TXNDC5: variants seen among roughly 807,000 people sequenced by gnomAD.
The protein encoded by TXNDC5 is thioredoxin domain-containing protein 5.
Under a neutral mutation model 52.6 loss-of-function variants are expected in TXNDC5, and 44 were observed. The observed-to-expected ratio is 0.84, with a 90% CI of 0.66 to 1.08. The LOEUF (loss-of-function observed/expected upper bound fraction) is 1.08, where lower values mean the gene tolerates loss of function less well. Ranked by LOEUF, TXNDC5 falls within the 50% of genes least tolerant of loss-of-function variation. The pLI is 0.00. For synonymous variants in TXNDC5, 241 were observed against 234.4 expected (o/e 1.03, Z -0.26); for missense variants, 600 against 565.5 (o/e 1.06, Z -0.62).
At chr6:7,905,907 T>C (rs1014520574) in intron 1 of TXNDC5, among the ~76,000 whole-genome samples, 3 of 152,224 alleles carry the variant, frequency 2.0e-5, no homozygotes, top group Non-Finnish European at 4.4e-5. Flanking sequence ...TTTAATAATC[T>C]GTTAAATCTC....
chr6:7,896,435 T>C (rs1400153901), intron 3 of TXNDC5, among the ~76,000 whole-genome samples: 1 of 152,182 alleles, frequency 6.6e-6, no homozygotes, highest in Non-Finnish European at 1.5e-5. Context: ...GAATCAGTGT[T>C]CTGCTGCAGA....
At chr6:7,890,325 C>G (rs9505303) in intron 5 of TXNDC5, among the ~76,000 whole-genome samples, 1 of 152,220 alleles carries the variant, frequency 6.6e-6, no homozygotes, top group Middle Eastern at 3.4e-3. Flanking sequence ...TATTTCAACA[C>G]CTAAGACCCG....
intron 9 of TXNDC5, among the ~76,000 whole-genome samples, chr6:7,884,105 G>A (rs901944638): frequency 1.3e-5 from 2 of 152,174 alleles, no homozygotes; most frequent in African/African-American, 2.4e-5. Context: ...GTTACTTCAC[G>A]GCCTTGTTAC....
chr6:7,888,687 A>AC lies in TXNDC5; in HGVS notation c.963+17dup. The AC allele has an allele frequency of 6.3e-7, 1 of 1,599,666 alleles. No individual in the cohort carries two copies. On this transcript the variant is annotated intron_variant, in intron 7 of 9. Coordinates refer to ENST00000379757, the MANE Select transcript of TXNDC5 (RefSeq NM_030810.5). ...CCACGGGCCACTTATGGGGATCCCG[A>AC]CTCCAGCAGGCACCCACCTTGTCAG... is the stretch of plus-strand genomic sequence containing the variant.
intron 9 of TXNDC5, among the ~76,000 whole-genome samples, chr6:7,883,548 C>T (rs1019225435): frequency 6.6e-5 from 10 of 152,196 alleles, no homozygotes; most frequent in African/African-American, 1.2e-4. Flanking sequence ...ACTGTGCACA[C>T]GATCACCTGC....
rs563639320 is a variant in TXNDC5, at chr6:7,889,483, G to C, written c.819+12C>G. On this transcript the variant is annotated intron_variant, in intron 6 of 9. Transcript: ENST00000379757. ...GATGAAGAATTCTCAGTACTAAGAA[G>C]TGCAGACGTACCTTTTTCCCATCTC... 36 of 1,612,312 alleles carry C rather than the reference G, an allele frequency of 2.2e-5. No individual in the cohort carries two copies. The highest frequency in any genetic ancestry group is 1.6e-4 in the Middle Eastern group (1 of 6,080).
rs1358210257 is a variant in TXNDC5, at chr6:7,882,487, C to G, written c.*657G>C. 6.6e-6 allele frequency: 1 copy of G among 152,310 alleles called. No individual in the cohort carries two copies. Among genetic ancestry groups the G allele is most frequent in the African/African-American group, 2.4e-5 (1 of 41,458 alleles). The allele number at this position is 152,310 out of a possible 1,614,324, so 9.4% of individuals were successfully genotyped here. On this transcript the variant is annotated 3_prime_UTR_variant, in exon 10 of 10. Transcript: ENST00000379757. ...GTAACTGATTTGACAAGTATCGACA[C>G]ATAAAGTTATGGCATCAGCATTCTC... is the stretch of plus-strand genomic sequence containing the variant.
At position 7,904,743 on chromosome 6, in the gene TXNDC5, C is replaced by T; in HGVS notation, c.264-20G>A. The T allele has an allele frequency of 1.9e-6, 3 of 1,614,104 alleles. No homozygotes were observed. The highest frequency in any genetic ancestry group is 1.1e-5 in the South Asian group (1 of 91,064). On this transcript the variant is annotated intron_variant, in intron 1 of 9. Coordinates refer to ENST00000379757, the MANE Select transcript of TXNDC5 (RefSeq NM_030810.5). ...CCACACCTGGAACAAGGCAAGAGTA[C>T]AAGCACATTGAGTATCAGGTCACAG...
At chr6:7,885,686 TTC>T (rs1759943949) in intron 8 of TXNDC5, among the ~76,000 whole-genome samples, 1 of 152,258 alleles carries the variant, frequency 6.6e-6, no homozygotes, top group Admixed American at 6.5e-5. Flanking sequence ...TTTTTATGTT[TTC>T]TCCAAAGTTG....
chr6:7,899,511 C>T (rs1581323113), intron 3 of TXNDC5, 65 bp downstream of exon 3: 2 of 1,260,768 alleles, frequency 1.6e-6, no homozygotes, highest in East Asian at 2.5e-5. Flanking sequence ...TACATATTAC[C>T]CCAAAGATGT....
At chr6:7,895,394 T>G (rs1760333931) in intron 3 of TXNDC5, among the ~76,000 whole-genome samples, 192 bp from the exon 4 acceptor site, 1 of 152,032 alleles carries the variant, frequency 6.6e-6, no homozygotes, top group African/African-American at 2.4e-5. Flanking sequence ...TCTGGAAGCT[T>G]CAGCAAAAAG....
chr6:7,894,981 A>G lies in TXNDC5; in HGVS notation c.616+125T>C. 7 of 1,463,738 alleles carry G rather than the reference A, an allele frequency of 4.8e-6. No individual in the cohort carries two copies. The Admixed American group carries it at 1.2e-4, about 24-fold the overall frequency. The allele number at this position is 1,463,738 out of a possible 1,614,324, so 90.7% of individuals were successfully genotyped here. On this transcript the variant is annotated intron_variant, in intron 4 of 9. Transcript: ENST00000379757. ...ACAACGGTCCCAACAGCTCCTCTAG[A>G]GTGACCCTTTGTCAGTGCCACTGAT...
At chr6:7,888,194 C>T (rs903281206) in intron 7 of TXNDC5, among the ~76,000 whole-genome samples, 4 of 152,294 alleles carry the variant, frequency 2.6e-5, no homozygotes, top group Non-Finnish European at 5.9e-5. Context: ...GGAAGGAAGC[C>T]CCTCAGTGCA....
At chr6:7,894,720 C>G in intron 4 of TXNDC5, 1 of 985,342 alleles carries the variant, frequency 1.0e-6, no homozygotes, top group Non-Finnish European at 1.2e-6. Context: ...CTGGAAAAAC[C>G]GCTAGACCTG....
intron 6 of TXNDC5, 109 bp downstream of exon 6, chr6:7,889,386 C>T (rs878900327): frequency 2.9e-5 from 25 of 863,094 alleles, no homozygotes; most frequent in South Asian, 2.5e-4. Flanking sequence ...CAAACCAGTG[C>T]CCTAACAATC....
At chr6:7,892,702 T>G (rs1197417319) in intron 4 of TXNDC5, among the ~76,000 whole-genome samples, 1 of 152,272 alleles carries the variant, frequency 6.6e-6, no homozygotes, top group Non-Finnish European at 1.5e-5. Flanking sequence ...AAGCTCTTTT[T>G]GCCTGCTGAT....
chr6:7,889,165 G>GA (rs1554128162), intron 6 of TXNDC5: 74 of 443,734 alleles, frequency 1.7e-4, no homozygotes, highest in African/African-American at 1.4e-3. Context: ...AGGAGGGAGG[G>GA]AGGCAGGCAG....
At chr6:7,899,549 G>GAGGGAGGT in intron 3 of TXNDC5, 27 bp downstream of exon 3, 1 of 1,444,876 alleles carries the variant, frequency 6.9e-7, no homozygotes. Context: ...GGGAGGGAGG[G>GAGGGAGGT]AGGGAGGGAA....
chr6:7,886,351 G>T (rs1412628847), intron 7 of TXNDC5, among the ~76,000 whole-genome samples: 1 of 152,072 alleles, frequency 6.6e-6, no homozygotes, highest in African/African-American at 2.4e-5. Flanking sequence ...TGGGGATGAG[G>T]CAGGTTGAAA....
Sources: gnomAD v4.1 joint callset for allele counts (sites outside exome capture counted in the v4.1 genomes callset) on GRCh38, gnomAD v4.1.1 for gene constraint, MANE v1.5 for transcripts, NCBI Gene and HGNC (gene_info 2026-07-23, HGNC 2026-07-21) for gene names.